Variants in NIBAN2 observed in about 807,000 individuals in gnomAD.
NIBAN2 encodes protein Niban 2.
NIBAN2 carries 36 observed loss-of-function variants against 81.8 expected under a neutral mutation model. The ratio of observed to expected loss-of-function variants is 0.44; its 90% confidence interval spans 0.34 to 0.58. The LOEUF (loss-of-function observed/expected upper bound fraction) is 0.58, where lower values mean the gene tolerates loss of function less well. Among genes scored for constraint, NIBAN2 ranks in the 20% least tolerant of loss-of-function variants. The pLI is 0.02. For missense variants in NIBAN2, 897 were observed against 1,014.1 expected (o/e 0.88, Z 1.57); for synonymous variants, 445 against 441.6 (o/e 1.01, Z -0.10).
chr9:127,578,929 C>A, exon 1 of NIBAN2: 2 of 1,611,216 alleles, frequency 1.2e-6, no homozygotes, highest in Non-Finnish European at 1.7e-6. Context: ...TACCTCCCAT[C>A]CACCCCATCC....
Position 127,507,085 on chromosome 9 carries a change from T to G in NIBAN2, c.2001A>C (p.Pro667=), listed in dbSNP as rs1253934910. 2 of 1,575,754 alleles carry G rather than the reference T, an allele frequency of 1.3e-6. No homozygotes were observed. The stretch of plus-strand genomic sequence containing the variant: ...CCCCGTTGAGCAGGGGGCCGGCTGG[T>G]GGGGGGCTCTCAGGCCGCAGACCTT... ...LAQGLRPESP[P]PAGPLLNGAP... is the part of the protein sequence containing the mutation. Residue 667 remains proline, a synonymous_variant, in exon 14 of 14, where the codon CCA becomes CCC. Coordinates refer to ENST00000373312, the MANE Select transcript of NIBAN2 (RefSeq NM_022833.4). The surrounding 1 kb of genome is among the most constrained non-coding windows in gnomAD (Gnocchi z 6.8).
At chr9:127,510,835 C>G (rs1478659284) in intron 8 of NIBAN2, among the ~76,000 whole-genome samples, 2 of 152,136 alleles carry the variant, frequency 1.3e-5, no homozygotes, top group Non-Finnish European at 2.9e-5. Context: ...TGGGCTCAAG[C>G]AATCCTCCCA....
intron 8 of NIBAN2, 106 bp from the exon 9 acceptor site, chr9:127,510,439 TTATTA>T: frequency 1.4e-6 from 1 of 713,296 alleles, no homozygotes; most frequent in Non-Finnish European, 2.0e-6. Flanking sequence ...ATTATCATTA[TTATTA>T]TATTTTTTTT....
chr9:127,521,664 G>A (rs1014534475), intron 5 of NIBAN2, among the ~76,000 whole-genome samples: 2 of 152,034 alleles, frequency 1.3e-5, no homozygotes, highest in African/African-American at 4.8e-5. Flanking sequence ...CAGGGTGGAA[G>A]GAAGGCCTGA....
intron 1 of NIBAN2, among the ~76,000 whole-genome samples, chr9:127,561,908 A>G (rs1054141797): frequency 1.3e-5 from 2 of 152,226 alleles, no homozygotes; most frequent in African/African-American, 4.8e-5. Flanking sequence ...AGCAGCGTCT[A>G]CAGAATACCC....
intron 8 of NIBAN2, among the ~76,000 whole-genome samples, chr9:127,512,355 G>T (rs1370534150): frequency 6.8e-6 from 1 of 147,788 alleles, no homozygotes; most frequent in African/African-American, 2.5e-5. Flanking sequence ...GCTCGATCTC[G>T]GCTCACTGCA....
At chr9:127,534,178 A>T (rs1013946539) in intron 1 of NIBAN2, among the ~76,000 whole-genome samples, 2 of 152,236 alleles carry the variant, frequency 1.3e-5, no homozygotes, top group African/African-American at 4.8e-5. Flanking sequence ...GAGAGGCTGC[A>T]TTCGATGACG....
rs540311877 is a variant in NIBAN2, at chr9:127,527,102, T to G, written c.315+92A>C. On this transcript the variant is annotated intron_variant, in intron 3 of 13. Coordinates refer to ENST00000373312, the MANE Select transcript of NIBAN2 (RefSeq NM_022833.4). The stretch of plus-strand genomic sequence containing the variant: ...GGTGACCGCGTGCAGGCTGTGACGG[T>G]GGCGTCTGGGGCCTAAGTTTCCGAG... 4.0e-6 allele frequency: 6 copies of G among 1,511,464 alleles called. No individual in the cohort carries two copies. The African/African-American group carries it at 8.2e-5, about 21-fold the overall frequency. 93.6% of individuals were successfully genotyped at this position (1,511,464 alleles called of 1,614,324 possible).
chr9:127,569,230 C>G (rs914781966), upstream of NIBAN2: 33 of 381,880 alleles, frequency 8.6e-5, no homozygotes, highest in African/African-American at 5.5e-4. Flanking sequence ...CCTGCACCCC[C>G]CTGCGCCCCA....
At chr9:127,548,023 T>C (rs1837505659) in intron 1 of NIBAN2, among the ~76,000 whole-genome samples, 1 of 152,102 alleles carries the variant, frequency 6.6e-6, no homozygotes, top group African/African-American at 2.4e-5. Flanking sequence ...GGCCAGGACA[T>C]AAATGGTCAG....
At chr9:127,528,138 T>C (rs1837111789) in intron 2 of NIBAN2, among the ~76,000 whole-genome samples, 2 of 152,154 alleles carry the variant, frequency 1.3e-5, no homozygotes, top group South Asian at 4.1e-4. Flanking sequence ...CCATGACCAC[T>C]ACGGTAGGAC....
chr9:127,539,134 G>A (rs963278107), intron 1 of NIBAN2, among the ~76,000 whole-genome samples: 1 of 151,842 alleles, frequency 6.6e-6, no homozygotes. Context: ...TCTAATTTGG[G>A]TCAGTCAAAA....
intron 1 of NIBAN2, among the ~76,000 whole-genome samples, chr9:127,565,910 G>A (rs921357410): frequency 6.7e-6 from 1 of 149,810 alleles, no homozygotes; most frequent in Non-Finnish European, 1.5e-5. Flanking sequence ...GACCAACCTG[G>A]GCAACATAGG....
rs1423027337 is a variant in NIBAN2 at position 127,521,081 on chromosome 9, C to T, written c.589+2598G>A. The stretch of plus-strand genomic sequence containing the variant: ...ACTCAGACCTCCAGCTGGGAGAGAA[C>T]ATATTTCTGCTGTGTAGCTGCCCGG... On this transcript the variant is annotated intron_variant, in intron 5 of 13. Transcript: ENST00000373312. Among the ~76,000 whole-genome samples, 5 of 152,090 alleles carry T rather than the reference C, an allele frequency of 3.3e-5. No individual in the cohort carries two copies. The East Asian group carries it at 9.6e-4, about 29-fold the overall frequency.
chr9:127,521,788 G>A (rs996944097), intron 5 of NIBAN2, among the ~76,000 whole-genome samples: 2 of 152,120 alleles, frequency 1.3e-5, no homozygotes, highest in Non-Finnish European at 2.9e-5. Context: ...GCCTCCCTCT[G>A]GTCCACTGCA....
chr9:127,529,474 A>G (rs1376557945), intron 2 of NIBAN2, among the ~76,000 whole-genome samples: 1 of 152,216 alleles, frequency 6.6e-6, no homozygotes, highest in Admixed American at 6.5e-5. Context: ...CCCTGTCTCT[A>G]CTAAAAATAT....
At chr9:127,546,749 T>C (rs1891730) in intron 1 of NIBAN2, among the ~76,000 whole-genome samples, 73,222 of 151,738 alleles carry the variant, frequency 0.48, 18,974 homozygotes, top group East Asian at 0.8. Flanking sequence ...TTTATGTTGC[T>C]CTCACTCATT....
chr9:127,536,223 C>T lies in NIBAN2; in HGVS notation c.56-4445G>A, dbSNP rs1837276141. On this transcript the variant is annotated intron_variant, in intron 1 of 13. Coordinates refer to ENST00000373312, the MANE Select transcript of NIBAN2 (RefSeq NM_022833.4). This position sits in a 1 kb window ranked among gnomAD's most constrained non-coding sequence, Gnocchi z 4.0. ...GATGAGGACTCGGGTGCTGGGGACC[C>T]CAGGTGTGGAGGCCAGAGGGACCCA... Among the ~76,000 whole-genome samples, 1 of 152,154 alleles carries T rather than the reference C, an allele frequency of 6.6e-6. No individual in the cohort carries two copies. Among genetic ancestry groups the T allele is most frequent in the Admixed American group, 6.6e-5 (1 of 15,264 alleles).
intron 2 of NIBAN2, among the ~76,000 whole-genome samples, chr9:127,528,856 C>T (rs1467727491): frequency 6.6e-6 from 1 of 152,330 alleles, no homozygotes; most frequent in East Asian, 1.9e-4. Context: ...ATCTTCATCC[C>T]TGCTTAGGGC....
Sources: allele counts gnomAD v4.1 joint callset (sites outside exome capture counted in the v4.1 genomes callset), GRCh38; gene constraint gnomAD v4.1.1; non-coding constraint Gnocchi (gnomAD v3.1); transcripts MANE v1.5; gene names NCBI Gene and HGNC (gene_info 2026-07-23, HGNC 2026-07-21).